POLR1A: variants seen among roughly 807,000 people sequenced by gnomAD.
POLR1A encodes the protein RNA polymerase I subunit A.
In POLR1A, 84 loss-of-function variants were observed where a neutral mutation model predicts 205.3. The observed-to-expected ratio is 0.41, with a 90% CI of 0.34 to 0.49. POLR1A has a LOEUF of 0.49. POLR1A is among the 20% of genes least tolerant of loss of function. The pLI is 0.22. For missense variants in POLR1A, 1,645 were observed against 2,204.5 expected (o/e 0.75, Z 5.08); for synonymous variants, 799 against 863.7 (o/e 0.93, Z 1.31).
chr2:86,086,051 A>G (rs1446645833), intron 6 of POLR1A, among the ~76,000 whole-genome samples: 1 of 139,410 alleles, frequency 7.2e-6, no homozygotes, highest in Non-Finnish European at 1.6e-5. Context: ...ACTCAGGCAC[A>G]GCCCTCACTT....
Position 86,070,366 on chromosome 2 carries a change from CT to C in POLR1A, c.1612-95del, listed in dbSNP as rs1387875389. 2.2e-6 allele frequency: 3 copies of C among 1,355,602 alleles called. No homozygotes were observed. The African/African-American group carries it at 4.4e-5, about 20-fold the overall frequency. The allele number at this position is 1,355,602 out of a possible 1,614,324, so 84.0% of individuals were successfully genotyped here. On this transcript the variant is annotated intron_variant, in intron 12 of 33. Coordinates refer to ENST00000263857, the MANE Select transcript of POLR1A (RefSeq NM_015425.6). This position sits in a 1 kb window ranked among gnomAD's most constrained non-coding sequence, Gnocchi z 4.4. ...TCACCTCAGCTTGACCAAGGTGTGGCTTTTGTCTCACGTTCTAGTTAACTAA... is the reference window on the plus strand; with the variant it reads ...TCACCTCAGCTTGACCAAGGTGTGGCTTTGTCTCACGTTCTAGTTAACTAA...
chr2:86,092,718 G>C (rs1673630092), intron 3 of POLR1A, among the ~76,000 whole-genome samples: 1 of 152,214 alleles, frequency 6.6e-6, no homozygotes, highest in Admixed American at 6.5e-5. Context: ...CCAGCTACTT[G>C]GGAAGCTGAG....
chr2:86,105,593 A>G, intron 1 of POLR1A, 107 bp downstream of exon 1: 2 of 713,574 alleles, frequency 2.8e-6, no homozygotes, highest in Non-Finnish European at 4.9e-6. Context: ...GCGCCAGACA[A>G]GCCTGGACTC....
chr2:86,084,208 G>A (rs532365646), intron 6 of POLR1A, among the ~76,000 whole-genome samples: 7 of 152,290 alleles, frequency 4.6e-5, no homozygotes, highest in African/African-American at 1.7e-4. Context: ...GGAGCTTGCA[G>A]TGAGCGGAGA....
rs1035969373 is a variant in POLR1A at position 86,105,855 on chromosome 2, C to T, written c.-79G>A. On this transcript the variant is annotated 5_prime_UTR_variant, in exon 1 of 34. Coordinates refer to ENST00000263857, the MANE Select transcript of POLR1A (RefSeq NM_015425.6). ...TGACTATTCTTAATTCAACCTCAAG[C>T]CCGGAGTCACCACGCGATTCAACGT... The T allele has an allele frequency of 3.0e-5, 39 of 1,283,234 alleles. No homozygotes were observed. In the South Asian group the frequency reaches 3.6e-4, roughly 12 times the overall value. 79.5% of individuals were successfully genotyped at this position (1,283,234 alleles called of 1,614,324 possible).
chr2:86,033,651 A>T lies in POLR1A; in HGVS notation c.4161+10T>A. ...TGTGCAACTCTAGTGACCCCCGGGG[A>T]CTCACTCACCCGACTCCTCCCCAAC... On this transcript the variant is annotated intron_variant, in intron 28 of 33. Transcript: ENST00000263857. The T allele has an allele frequency of 1.2e-6, 2 of 1,612,160 alleles. No homozygotes were observed. The highest frequency in any genetic ancestry group is 1.7e-6 in the Non-Finnish European group (2 of 1,179,424).
At chr2:86,089,244 A>G (rs1320615287) in intron 4 of POLR1A, among the ~76,000 whole-genome samples, 1 of 152,260 alleles carries the variant, frequency 6.6e-6, no homozygotes, top group African/African-American at 2.4e-5. Flanking sequence ...GAAGGACCTC[A>G]GGGTTCTAAG....
At chr2:86,077,007 C>T (rs1428757711) in intron 11 of POLR1A, among the ~76,000 whole-genome samples, 2 of 152,194 alleles carry the variant, frequency 1.3e-5, no homozygotes, top group Admixed American at 6.5e-5. Flanking sequence ...TGACACATCA[C>T]GCCTTTGTCC....
chr2:86,047,027 A>G, intron 19 of POLR1A, 138 bp downstream of exon 19: 1 of 592,988 alleles, frequency 1.7e-6, no homozygotes, highest in Non-Finnish European at 3.0e-6. Flanking sequence ...AACAGTGGTT[A>G]GCTCCTGTAG....
Position 86,039,388 on chromosome 2 carries a change from T to C in POLR1A, c.3815A>G (p.Lys1272Arg), listed in dbSNP as rs1487118298. The C allele has an allele frequency of 3.1e-6, 5 of 1,614,070 alleles. No individual in the cohort carries two copies. Among genetic ancestry groups the C allele is most frequent in the Admixed American group, 1.7e-5 (1 of 60,002 alleles). ...PMMSVPVLNT[K>R]KALKRVKSLK... The stretch of plus-strand genomic sequence containing the variant: ...GCTTTTCACTCTCTTCAGGGCTTTC[T>C]TGGTGTTGAGCACGGGCACGCTCAT... The change falls in exon 26 of 34, where the codon AAG becomes AGG. Residue 1272 changes from lysine (K) to arginine (R), a missense_variant. Transcript: ENST00000263857.
At chr2:86,092,355 G>A (rs1279055314) in intron 3 of POLR1A, among the ~76,000 whole-genome samples, 2 of 152,178 alleles carry the variant, frequency 1.3e-5, no homozygotes, top group African/African-American at 2.4e-5. Context: ...TCTAGGCCAG[G>A]GGGGCTCCCA....
In POLR1A at chr2:86,030,407, A is replaced by C; in HGVS notation, c.4579-11T>G. On this transcript the variant is annotated splice_polypyrimidine_tract_variant and intron_variant, in intron 30 of 33. Transcript: ENST00000263857. ...GAGCTTCACTGTCACCTGCAAAAGG[A>C]GGGAGAGCTGGGTAGGGTGACAGCT... The C allele has an allele frequency of 6.2e-7, 1 of 1,603,748 alleles. No homozygotes were observed. The highest frequency in any genetic ancestry group is 8.5e-7 in the Non-Finnish European group (1 of 1,170,952).
chr2:86,044,790 C>T (rs1425062428), intron 21 of POLR1A, among the ~76,000 whole-genome samples: 2 of 152,192 alleles, frequency 1.3e-5, no homozygotes, highest in South Asian at 2.1e-4. Context: ...GGCCTTTCTC[C>T]TCAGTTTTAT....
chr2:86,070,063 C>T lies in POLR1A; in HGVS notation c.1821G>A (p.Glu607=), dbSNP rs76924572. ...GATCAGTGCAGGCCAGGACGTAGGC[C>T]TCGGCCCGGCCCAGCTCACTCTGGG... ...HFPQSELGRA[E]AYVLACTDQQ... The change falls in exon 13 of 34, where the codon GAG becomes GAA. Residue 607 remains glutamate, a synonymous_variant. Coordinates refer to ENST00000263857, the MANE Select transcript of POLR1A (RefSeq NM_015425.6). This position sits in a 1 kb window ranked among gnomAD's most constrained non-coding sequence, Gnocchi z 4.4. The T allele has an allele frequency of 2.6e-3, 4,222 of 1,614,056 alleles. 8 individuals carry two copies. The highest frequency in any genetic ancestry group is 3.3e-3 in the Non-Finnish European group (3,948 of 1,179,978).
rs1206981240 is a variant in POLR1A at position 86,077,805 on chromosome 2, GCGCGCGCACACA to G, written c.1380+42_1380+53del. On this transcript the variant is annotated intron_variant, in intron 11 of 33. Coordinates refer to ENST00000263857, the MANE Select transcript of POLR1A (RefSeq NM_015425.6). ...CGGGGAGCAAATGAGCCCTGCACGC[GCGCGCGCACACA>G]CACACACACACACACACACACACAC... 2.9e-5 allele frequency: 29 copies of G among 1,013,496 alleles called. 3 individuals carry two copies. Among genetic ancestry groups the G allele is most frequent in the African/African-American group, 5.3e-5 (2 of 37,732 alleles). 62.8% of individuals were successfully genotyped at this position (1,013,496 alleles called of 1,614,324 possible). A position where few individuals can be genotyped will look rare whatever the true frequency, so the allele number is the denominator to read the frequency against.
chr2:86,087,095 T>G (rs1673515937), intron 6 of POLR1A, among the ~76,000 whole-genome samples: 1 of 152,248 alleles, frequency 6.6e-6, no homozygotes, highest in African/African-American at 2.4e-5. Flanking sequence ...GTTGCACCAA[T>G]GTTAAACTCA....
rs371226395 is a variant in POLR1A at position 86,099,970 on chromosome 2, C to G, written c.280G>C (p.Asp94His). The change falls in exon 2 of 34, where the codon GAT becomes CAT. Residue 94 changes from aspartate to histidine, a missense_variant and splice_region_variant. Around this residue, in one of 16 missense-constraint regions of POLR1A, gnomAD observed 330 missense variants for 375.6 expected, o/e 0.88. Transcript: ENST00000263857. ...PLTVYNPLLF[D>H]KLYLLLRGSC... ...CACACAACTAAGGCAGCACTTACATCGAAGAGGAGAGGGTTATACACTGTG... is the reference window on the plus strand; with the variant it reads ...CACACAACTAAGGCAGCACTTACATGGAAGAGGAGAGGGTTATACACTGTG... The G allele has an allele frequency of 1.2e-6, 2 of 1,613,360 alleles. No individual in the cohort carries two copies. Among genetic ancestry groups the G allele is most frequent in the African/African-American group, 2.7e-5 (2 of 74,884 alleles).
chr2:86,076,718 C>G (rs969836449), intron 11 of POLR1A, among the ~76,000 whole-genome samples: 1 of 152,212 alleles, frequency 6.6e-6, no homozygotes, highest in Non-Finnish European at 1.5e-5. Flanking sequence ...AAAGAGAACC[C>G]AGCACCTAGA....
chr2:86,099,479 A>AT (rs1367313991), intron 2 of POLR1A, among the ~76,000 whole-genome samples: 8 of 152,108 alleles, frequency 5.3e-5, no homozygotes, highest in African/African-American at 1.9e-4. Context: ...CTGAAATAAA[A>AT]AGCTGAAAAT....
Sources: allele counts gnomAD v4.1 joint callset (sites outside exome capture counted in the v4.1 genomes callset), GRCh38; gene constraint gnomAD v4.1.1; regional missense constraint gnomAD v4.1.1; non-coding constraint Gnocchi (gnomAD v3.1); transcripts MANE v1.5; gene names NCBI Gene and HGNC (gene_info 2026-07-23, HGNC 2026-07-21).